TTC28: variants seen among roughly 807,000 people sequenced by gnomAD.
TTC28 encodes the protein tetratricopeptide repeat protein 28.
Under a neutral mutation model 198.0 loss-of-function variants are expected in TTC28, and 61 were observed. The observed-to-expected ratio is 0.31, with a 90% CI of 0.25 to 0.38. The LOEUF is 0.38. Ranked by LOEUF, TTC28 falls within the 10% of genes least tolerant of loss-of-function variation. The probability of loss-of-function intolerance (pLI) is 1.00; values close to 1 mark genes in which losing one functional copy is unlikely to be tolerated. For synonymous variants in TTC28, 1,171 were observed against 1,297.8 expected, an observed-to-expected ratio of 0.90 and a Z score of 2.10; for missense variants, 2,678 against 3,164.0, an observed-to-expected ratio of 0.85 and a Z score of 3.69.
At chr22:28,030,099 G>C (rs1055136140) in intron 13 of TTC28, 127 bp downstream of exon 13, 8 of 1,338,720 alleles carry the variant, frequency 6.0e-6, no homozygotes, top group Admixed American at 5.1e-5. Context: ...CATCATGCTT[G>C]CTGCTGCAAA....
At chr22:28,320,227 A>G (rs2045424213) in intron 2 of TTC28, among the ~76,000 whole-genome samples, 2 of 151,482 alleles carry the variant, frequency 1.3e-5, no homozygotes, top group Admixed American at 6.6e-5. Flanking sequence ...TGCCAAAGAC[A>G]GATGATTTCT....
intron 12 of TTC28, among the ~76,000 whole-genome samples, chr22:28,087,610 G>A (rs557607851): frequency 2.0e-4 from 31 of 152,146 alleles, no homozygotes; most frequent in African/African-American, 5.1e-4. Context: ...ACAAGACAGG[G>A]ATGCCCTCTC....
intron 2 of TTC28, among the ~76,000 whole-genome samples, chr22:28,464,250 A>T (rs963169527): frequency 6.6e-6 from 1 of 152,214 alleles, no homozygotes; most frequent in Non-Finnish European, 1.5e-5. Flanking sequence ...GAAAAGGGAA[A>T]GAAGGACTTT....
At chr22:27,996,820 G>A (rs554837360) in intron 16 of TTC28, among the ~76,000 whole-genome samples, 1 of 152,194 alleles carries the variant, frequency 6.6e-6, no homozygotes, top group Non-Finnish European at 1.5e-5. Context: ...GGACCAACCT[G>A]CCCCCAGATC....
chr22:28,476,805 T>C (rs2048174643), intron 2 of TTC28, among the ~76,000 whole-genome samples: 1 of 152,154 alleles, frequency 6.6e-6, no homozygotes, highest in Non-Finnish European at 1.5e-5. Flanking sequence ...AATATATGTT[T>C]AAAAACAGAC....
intron 2 of TTC28, among the ~76,000 whole-genome samples, chr22:28,352,117 A>T (rs1253578857): frequency 6.6e-6 from 1 of 152,202 alleles, no homozygotes; most frequent in African/African-American, 2.4e-5. Flanking sequence ...AAAATTAAGC[A>T]ATAATAAAGT....
intron 13 of TTC28, 124 bp from the exon 14 acceptor site, chr22:28,014,516 G>T: frequency 3.6e-6 from 4 of 1,115,460 alleles, no homozygotes; most frequent in Non-Finnish European, 4.9e-6. Context: ...AACCCCGCCA[G>T]CCTCCCTCCC....
At chr22:28,339,447 G>A (rs1188351480) in intron 2 of TTC28, among the ~76,000 whole-genome samples, 2 of 152,214 alleles carry the variant, frequency 1.3e-5, no homozygotes, top group African/African-American at 2.4e-5. Flanking sequence ...AGTCTGCAGA[G>A]GATTCTGCTC....
chr22:28,560,756 T>G (rs979440723), intron 2 of TTC28, among the ~76,000 whole-genome samples: 8 of 152,044 alleles, frequency 5.3e-5, no homozygotes, highest in Non-Finnish European at 7.4e-5. Flanking sequence ...ATTTTCTTTT[T>G]TTTGTTTGTT....
At chr22:28,332,573 G>A (rs139512640) in intron 2 of TTC28, among the ~76,000 whole-genome samples, 10 of 152,112 alleles carry the variant, frequency 6.6e-5, no homozygotes, top group Admixed American at 3.9e-4. Flanking sequence ...TGAAGTCATG[G>A]CTCAGCAATT....
intron 6 of TTC28, among the ~76,000 whole-genome samples, chr22:28,139,762 T>C (rs1236030234): frequency 6.6e-6 from 1 of 151,336 alleles, no homozygotes; most frequent in Non-Finnish European, 1.5e-5. Context: ...CCACAGCGCC[T>C]CTCCAGCTCC....
chr22:28,395,876 C>T (rs9625467), intron 2 of TTC28, among the ~76,000 whole-genome samples: 12,720 of 152,092 alleles, frequency 0.084, 635 homozygotes, highest in Non-Finnish European at 0.096. Context: ...TCAAAGCAAG[C>T]AAAATCAGGA....
chr22:28,269,925 A>G (rs1931941775), intron 5 of TTC28, among the ~76,000 whole-genome samples: 1 of 152,236 alleles, frequency 6.6e-6, no homozygotes, highest in African/African-American at 2.4e-5. Context: ...AATGATAAAG[A>G]TGAAAACACC....
chr22:28,437,214 C>T (rs929653472), intron 2 of TTC28, among the ~76,000 whole-genome samples: 1 of 152,058 alleles, frequency 6.6e-6, no homozygotes, highest in Non-Finnish European at 1.5e-5. Context: ...AGCTGAGTTG[C>T]TGGGTTAACA....
At chr22:28,610,320 G>C (rs995451232) in intron 2 of TTC28, among the ~76,000 whole-genome samples, 5 of 152,176 alleles carry the variant, frequency 3.3e-5, no homozygotes, top group African/African-American at 1.2e-4. Context: ...GAGGCCAACA[G>C]ACACCTCATA....
At chr22:28,439,996 G>C (rs2047592699) in intron 2 of TTC28, among the ~76,000 whole-genome samples, 1 of 152,086 alleles carries the variant, frequency 6.6e-6, no homozygotes, top group Non-Finnish European at 1.5e-5. Context: ...CACTACGACT[G>C]GCTAATTTTT....
intron 2 of TTC28, among the ~76,000 whole-genome samples, chr22:28,503,871 C>T (rs1212124257): frequency 6.6e-6 from 1 of 152,154 alleles, no homozygotes; most frequent in Non-Finnish European, 1.5e-5. Context: ...CACAAGAAAG[C>T]GTGTCAGGTC....
intron 5 of TTC28, among the ~76,000 whole-genome samples, chr22:28,215,870 G>A (rs1159649291): frequency 1.3e-5 from 2 of 152,054 alleles, no homozygotes; most frequent in African/African-American, 4.8e-5. Context: ...CTTAGTCTTA[G>A]GTACAATGGT....
At chr22:28,385,170 G>C (rs1250646726) in intron 2 of TTC28, among the ~76,000 whole-genome samples, 2 of 151,172 alleles carry the variant, frequency 1.3e-5, no homozygotes, top group Admixed American at 6.6e-5. Context: ...CACAGGTATA[G>C]GCTTTACTTG....
Sources: gnomAD v4.1 joint callset for allele counts (sites outside exome capture counted in the v4.1 genomes callset) on GRCh38, gnomAD v4.1.1 for gene constraint, MANE v1.5 for transcripts, NCBI Gene and HGNC (gene_info 2026-07-23, HGNC 2026-07-21) for gene names.